SCEL: variants seen among roughly 807,000 people sequenced by gnomAD.
SCEL encodes the protein sciellin.
SCEL carries 113 observed loss-of-function variants against 117.6 expected under a neutral mutation model. That is an observed-to-expected ratio of 0.96 (90% CI 0.83 to 1.12). The LOEUF (loss-of-function observed/expected upper bound fraction) is 1.12, where lower values mean the gene tolerates loss of function less well. Ranked by LOEUF, SCEL falls within the 50% of genes most tolerant of loss-of-function variation. The pLI is 0.00. For missense variants in SCEL, 785 were observed against 810.8 expected (o/e 0.97, Z 0.39); for synonymous variants, 270 against 256.2 (o/e 1.05, Z -0.51).
chr13:77,643,390 A>G (rs1170587083), intron 32 of SCEL, among the ~76,000 whole-genome samples: 1 of 152,168 alleles, frequency 6.6e-6, no homozygotes, highest in Non-Finnish European at 1.5e-5. Flanking sequence ...ACTACATATG[A>G]AAGTTTTAAA....
intron 9 of SCEL, among the ~76,000 whole-genome samples, chr13:77,577,810 G>A (rs1271423455): frequency 2.6e-5 from 4 of 152,124 alleles, no homozygotes; most frequent in African/African-American, 4.8e-5. Flanking sequence ...ATTATTGGGC[G>A]TTTCTTGTTG....
chr13:77,586,111 T>G (rs1244783975), intron 9 of SCEL, among the ~76,000 whole-genome samples: 1 of 152,126 alleles, frequency 6.6e-6, no homozygotes, highest in Non-Finnish European at 1.5e-5. Flanking sequence ...TCACACTCAT[T>G]CTTTGAAGAC....
At chr13:77,543,155 C>T (rs1342977126) in intron 1 of SCEL, among the ~76,000 whole-genome samples, 1 of 146,270 alleles carries the variant, frequency 6.8e-6, no homozygotes, top group Non-Finnish European at 1.5e-5. Context: ...GGGATCTCGG[C>T]TCACTGCAAG....
At chr13:77,615,827 T>C (rs568570033) in intron 24 of SCEL, among the ~76,000 whole-genome samples, 5 of 152,194 alleles carry the variant, frequency 3.3e-5, no homozygotes, top group African/African-American at 9.6e-5. Flanking sequence ...ATATAGCATA[T>C]ATTTATGTTT....
chr13:77,626,492 C>A (rs1035521725), intron 27 of SCEL, among the ~76,000 whole-genome samples: 5 of 152,148 alleles, frequency 3.3e-5, no homozygotes, highest in African/African-American at 1.2e-4. Flanking sequence ...CAAATACTAT[C>A]TCAAATTATA....
At position 77,644,756 on chromosome 13, in the gene SCEL, A is replaced by T. The variant is rs951740556; in HGVS notation, c.*482A>T. 1.3e-5 allele frequency: 2 copies of T among 153,050 alleles called. No individual in the cohort carries two copies. The highest frequency in any genetic ancestry group is 4.8e-5 in the African/African-American group (2 of 41,470). The allele number at this position is 153,050 out of a possible 1,614,324, so 9.5% of individuals were successfully genotyped here. On this transcript the variant is annotated 3_prime_UTR_variant, in exon 33 of 33. Coordinates refer to ENST00000349847, the MANE Select transcript of SCEL (RefSeq NM_144777.3). The stretch of plus-strand genomic sequence containing the variant: ...TACAGTTTGGCAGAAAGATGTTAAC[A>T]TAAAAAGTTTATATACCTCAAAAAT...
chr13:77,591,323 A>T (rs553002029), intron 10 of SCEL, 72 bp from the exon 11 acceptor site: 10 of 937,390 alleles, frequency 1.1e-5, no homozygotes, highest in South Asian at 3.0e-5. Flanking sequence ...TAAATTTTTT[A>T]AAATAAATTT....
At chr13:77,583,604 AG>A (rs1427198929) in intron 9 of SCEL, among the ~76,000 whole-genome samples, 1 of 152,224 alleles carries the variant, frequency 6.6e-6, no homozygotes, top group Non-Finnish European at 1.5e-5. Flanking sequence ...ATAGATTCGC[AG>A]TGAAAATACC....
intron 28 of SCEL, among the ~76,000 whole-genome samples, chr13:77,628,851 T>TTTTCCA (rs1345382078): frequency 1.3e-5 from 2 of 152,168 alleles, no homozygotes; most frequent in Admixed American, 6.5e-5. Context: ...ATTCCTTTAG[T>TTTTCCA]TCCCCAAAAC....
At chr13:77,571,043 G>A (rs879735965) in intron 8 of SCEL, among the ~76,000 whole-genome samples, 1 of 151,148 alleles carries the variant, frequency 6.6e-6, no homozygotes, top group Non-Finnish European at 1.5e-5. Context: ...TTTTTGCCAG[G>A]CTGGTCTTGA....
At chr13:77,539,017 TC>T (rs1165695714) in intron 1 of SCEL, among the ~76,000 whole-genome samples, 1 of 152,168 alleles carries the variant, frequency 6.6e-6, no homozygotes, top group Non-Finnish European at 1.5e-5. Context: ...TGCCCTGCCC[TC>T]TCCCCAGTTC....
chr13:77,581,664 T>C (rs2086269563), intron 9 of SCEL, among the ~76,000 whole-genome samples: 1 of 152,188 alleles, frequency 6.6e-6, no homozygotes, highest in African/African-American at 2.4e-5. Flanking sequence ...AAACGTCACC[T>C]TGCTCCAATC....
intron 27 of SCEL, among the ~76,000 whole-genome samples, chr13:77,626,673 G>A (rs565044161): frequency 9.2e-5 from 14 of 152,240 alleles, no homozygotes; most frequent in Admixed American, 7.9e-4. Flanking sequence ...TATGAAGAAC[G>A]TACTTGTTTC....
intron 32 of SCEL, among the ~76,000 whole-genome samples, chr13:77,644,028 A>C (rs1207383967): frequency 2.0e-5 from 3 of 152,168 alleles, no homozygotes; most frequent in Admixed American, 1.3e-4. Flanking sequence ...TTTATAATAC[A>C]TATAAGTTGT....
intron 9 of SCEL, among the ~76,000 whole-genome samples, chr13:77,573,640 TCTATCTATC>T (rs1414716122): frequency 1.7e-5 from 1 of 60,552 alleles, no homozygotes; most frequent in Non-Finnish European, 3.3e-5. Flanking sequence ...TGTCATTACA[TCTATCTATC>T]TATCTATCTA....
Position 77,543,115 on chromosome 13 carries a change from G to A in SCEL, c.-20+7291G>A, listed in dbSNP as rs562439822. Among the ~76,000 whole-genome samples the A allele has an allele frequency of 3.3e-3, 419 of 127,564 alleles. 2 individuals are homozygous for A. Among genetic ancestry groups the A allele is most frequent in the African/African-American group, 0.012 (383 of 32,912 alleles). The allele number at this position is 127,564 out of a possible 152,430, so 83.7% of individuals were successfully genotyped here. ...TTTTTTTTTTTTGAGACGGAGTCTCGCTCTGTTGCCCAGGCTGGAGTGCAG... is the reference window on the plus strand; with the variant it reads ...TTTTTTTTTTTTGAGACGGAGTCTCACTCTGTTGCCCAGGCTGGAGTGCAG... On this transcript the variant is annotated intron_variant, in intron 1 of 32. Transcript: ENST00000349847.
At chr13:77,637,299 AATATATAT>A (rs1190072489) in intron 30 of SCEL, 105 bp downstream of exon 30, 26 of 188,870 alleles carry the variant, frequency 1.4e-4, no homozygotes, top group Middle Eastern at 2.1e-3. Flanking sequence ...CATATATATA[AATATATAT>A]ACATATATAT....
chr13:77,609,073 T>A lies in SCEL; in HGVS notation c.1233T>A (p.Asn411Lys). 6.3e-7 allele frequency: 1 copy of A among 1,594,216 alleles called. No individual in the cohort carries two copies. The highest frequency in any genetic ancestry group is 1.2e-5 in the South Asian group (1 of 86,080). The part of the protein sequence containing the change: ...KRSNQGSKDL[N>K]NFIKVYPGTE... ...TTGTTTGAAGTTCCAAAGACCTTAA[T>A]AACTTCATCAAAGTGTATCCAGGAA... The change falls in exon 21 of 33, where the codon AAT becomes AAA. Residue 411 changes from asparagine to lysine, a missense_variant. By Grantham distance (94) the Asn-to-Lys change is moderately conservative. Coordinates refer to ENST00000349847, the MANE Select transcript of SCEL (RefSeq NM_144777.3).
intron 19 of SCEL, among the ~76,000 whole-genome samples, chr13:77,606,936 A>G (rs1206464505): frequency 6.6e-6 from 1 of 152,228 alleles, no homozygotes; most frequent in Admixed American, 6.5e-5. Context: ...AAACACATGT[A>G]GATGCAGGGA....
Sources: allele counts gnomAD v4.1 joint callset (sites outside exome capture counted in the v4.1 genomes callset), GRCh38; gene constraint gnomAD v4.1.1; transcripts MANE v1.5; gene names NCBI Gene and HGNC (gene_info 2026-07-23, HGNC 2026-07-21).